CDC16: variants seen among roughly 807,000 people sequenced by gnomAD.
CDC16 encodes cell division cycle protein 16 homolog.
CDC16 carries 34 observed loss-of-function variants against 87.0 expected under a neutral mutation model. That is an observed-to-expected ratio of 0.39 (90% CI 0.30 to 0.52). The LOEUF is 0.52. Among genes scored for constraint, CDC16 ranks in the 20% least tolerant of loss-of-function variants. The pLI is 0.74. For missense variants in CDC16, 653 were observed against 751.9 expected, an observed-to-expected ratio of 0.87 and a Z score of 1.54; for synonymous variants, 263 against 260.6, an observed-to-expected ratio of 1.01 and a Z score of -0.09.
At chr13:114,253,704 AAAAAAATT>A in intron 12 of CDC16, among the ~76,000 whole-genome samples, 1 of 137,416 alleles carries the variant, frequency 7.3e-6, no homozygotes, top group East Asian at 2.0e-4. Context: ...AAAAAAAAAG[AAAAAAATT>A]ATTGAGGCTT....
intron 8 of CDC16, 54 bp downstream of exon 8, chr13:114,244,043 C>T: frequency 7.8e-7 from 1 of 1,279,148 alleles, no homozygotes. Flanking sequence ...TCCATCTTAC[C>T]TAGGTGATTC....
At chr13:114,258,813 T>C (rs1378491768) in intron 13 of CDC16, among the ~76,000 whole-genome samples, 1 of 152,152 alleles carries the variant, frequency 6.6e-6, no homozygotes, top group Non-Finnish European at 1.5e-5. Flanking sequence ...ACATAAATAC[T>C]GTGGTTGGGT....
chr13:114,264,651 G>A (rs552743751), intron 16 of CDC16, among the ~76,000 whole-genome samples: 10 of 151,942 alleles, frequency 6.6e-5, no homozygotes, highest in Non-Finnish European at 1.3e-4. Flanking sequence ...TTGCTTTGTC[G>A]CCTAGGCTAG....
chr13:114,264,794 C>T (rs1035710093), intron 16 of CDC16: 3 of 178,420 alleles, frequency 1.7e-5, no homozygotes, highest in Admixed American at 1.7e-4. Flanking sequence ...TTATTAGAGA[C>T]GGGGTTTCAC....
intron 9 of CDC16, among the ~76,000 whole-genome samples, chr13:114,245,262 TC>T (rs3215865): frequency 0.038 from 5,364 of 139,364 alleles, 139 homozygotes; most frequent in Non-Finnish European, 0.052. Flanking sequence ...CAGTTCTGCC[TC>T]CCCCCCCCTT....
At chr13:114,257,454 T>A (rs79665272) in intron 13 of CDC16, among the ~76,000 whole-genome samples, 1 of 152,242 alleles carries the variant, frequency 6.6e-6, no homozygotes, top group Admixed American at 6.5e-5. Context: ...AGCTACCACT[T>A]CTTTTCTTAC....
intron 12 of CDC16, among the ~76,000 whole-genome samples, chr13:114,251,055 A>G (rs1274355853): frequency 6.6e-6 from 1 of 152,234 alleles, no homozygotes; most frequent in East Asian, 1.9e-4. Flanking sequence ...TGTATTTGCC[A>G]GTATTCTAGA....
At chr13:114,243,488 C>G in intron 7 of CDC16, 140 bp downstream of exon 7, 1 of 423,638 alleles carries the variant, frequency 2.4e-6, no homozygotes, top group East Asian at 3.5e-5. Context: ...GTTTAAGATA[C>G]ATAAGATTCC....
In CDC16 at chr13:114,257,381, G is replaced by A. The variant is rs2082568019; in HGVS notation, c.1250+151G>A. On this transcript the variant is annotated intron_variant, in intron 13 of 17. Coordinates refer to ENST00000356221, the MANE Select transcript of CDC16 (RefSeq NM_001078645.3). ...GAGAAGGAGATAGAAAAAAAAGAGA[G>A]AAACTGTTATCTTGGATTTCCTTAA... The A allele has an allele frequency of 6.9e-6, 4 of 576,560 alleles. No homozygotes were observed. The East Asian group carries it at 1.2e-4, about 18-fold the overall frequency. 35.7% of individuals were successfully genotyped at this position (576,560 alleles called of 1,614,324 possible).
In CDC16 at chr13:114,236,881, A is replaced by G; in HGVS notation, c.186A>G (p.Ser62=). The change falls in exon 3 of 18, where the codon TCA becomes TCG. Residue 62 remains serine, a synonymous_variant. Transcript: ENST00000356221. ...ACAGAGCCGCCCATGCACTTCGGTC[A>G]CGAAAACTGGACAAAGTAAGTGATG... ...QYHRAAHALR[S]RKLDKLYEAC... 1.9e-6 allele frequency: 3 copies of G among 1,590,484 alleles called. No individual in the cohort carries two copies. Among genetic ancestry groups the G allele is most frequent in the Non-Finnish European group, 2.6e-6 (3 of 1,172,200 alleles).
intron 17 of CDC16, among the ~76,000 whole-genome samples, chr13:114,269,997 C>T (rs191598103): frequency 2.0e-5 from 3 of 152,210 alleles, no homozygotes; most frequent in Admixed American, 1.3e-4. Context: ...TGAGCCACCA[C>T]GCCCAACAAA....
Position 114,245,885 on chromosome 13 carries a change from A to G in CDC16, c.848-115A>G. The G allele has an allele frequency of 4.6e-6, 3 of 650,844 alleles. No homozygotes were observed. In the South Asian group the frequency reaches 5.4e-5, roughly 12 times the overall value. The allele number at this position is 650,844 out of a possible 1,614,324, so 40.3% of individuals were successfully genotyped here. A position where few individuals can be genotyped will look rare whatever the true frequency, so the allele number is the denominator to read the frequency against. Reference sequence around the variant, plus strand: ...TTTTTATCTAGAAGGAAAGACAAGTATGAAATCATTGCTGTAAGAGCAGAA... The same window carrying G: ...TTTTTATCTAGAAGGAAAGACAAGTGTGAAATCATTGCTGTAAGAGCAGAA... On this transcript the variant is annotated intron_variant, in intron 9 of 17. Coordinates refer to ENST00000356221, the MANE Select transcript of CDC16 (RefSeq NM_001078645.3).
chr13:114,245,848 TAG>T (rs991628105), intron 9 of CDC16, 150 bp from the exon 10 acceptor site: 1 of 594,008 alleles, frequency 1.7e-6, no homozygotes, highest in Non-Finnish European at 3.0e-6. Context: ...ACTCTCCAGT[TAG>T]AGAGTTAATT....
Position 114,272,680 on chromosome 13 carries a change from A to G in CDC16, c.*237A>G, listed in dbSNP as rs1446491165. On this transcript the variant is annotated 3_prime_UTR_variant, in exon 18 of 18. Coordinates refer to ENST00000356221, the MANE Select transcript of CDC16 (RefSeq NM_001078645.3). The stretch of plus-strand genomic sequence containing the variant: ...GAATAAAGAAGGTAAACCATCTGTT[A>G]TGTCTTTTTTTTTCTTTTCCAATAA... The G allele has an allele frequency of 5.8e-5, 22 of 381,058 alleles. No individual in the cohort carries two copies. Among genetic ancestry groups the G allele is most frequent in the Non-Finnish European group, 9.3e-5 (20 of 215,190 alleles). 23.6% of individuals were successfully genotyped at this position (381,058 alleles called of 1,614,324 possible). A position where few individuals can be genotyped will look rare whatever the true frequency, so the allele number is the denominator to read the frequency against.
At chr13:114,239,920 A>G (rs1202145934) in intron 5 of CDC16, among the ~76,000 whole-genome samples, 1 of 152,096 alleles carries the variant, frequency 6.6e-6, no homozygotes, top group Non-Finnish European at 1.5e-5. Context: ...CAGTTTGTAT[A>G]CTTCATATCT....
intron 11 of CDC16, chr13:114,247,332 C>A (rs1414245613): frequency 2.0e-5 from 4 of 199,782 alleles, no homozygotes; most frequent in East Asian, 1.2e-4. Context: ...CTGATTTAAA[C>A]ATTTTTTTTT....
Position 114,265,240 on chromosome 13 carries a change from G to C in CDC16, c.1603G>C (p.Gly535Arg), listed in dbSNP as rs1255136027. ...CATTGGTGATTCTGAAGCTTATATT[G>C]GTAAGATAATCGTTATTCTTATTGG... is the stretch of plus-strand genomic sequence containing the variant. The part of the protein sequence containing the change: ...MYIGDSEAYI[G>R]ADIKDKLKCY... The change falls in exon 17 of 18, where the codon GGA becomes CGA. Residue 535 changes from glycine to arginine, a missense_variant and splice_region_variant. Gly to Arg is a moderately radical substitution (Grantham distance 125, BLOSUM62 -2). Transcript: ENST00000356221. The C allele has an allele frequency of 6.4e-7, 1 of 1,566,344 alleles. No homozygotes were observed. The highest frequency in any genetic ancestry group is 8.8e-7 in the Non-Finnish European group (1 of 1,137,250).
chr13:114,267,497 CA>C (rs917075426), intron 17 of CDC16, among the ~76,000 whole-genome samples: 11 of 145,586 alleles, frequency 7.6e-5, no homozygotes, highest in African/African-American at 1.8e-4. Flanking sequence ...AATCTCAAAA[CA>C]AAAAAAAAAG....
rs1410119675 is a variant in CDC16 at position 114,242,292 on chromosome 13, C to G, written c.541+12C>G. 6.3e-7 allele frequency: 1 copy of G among 1,595,032 alleles called. No homozygotes were observed. The highest frequency in any genetic ancestry group is 1.4e-5 in the African/African-American group (1 of 73,560). ...GACAGCACAAGAAGGTTTGGAAACT[C>G]AGGCTTTTTTGTTTTATGTTTAGCA... On this transcript the variant is annotated intron_variant, in intron 6 of 17. Coordinates refer to ENST00000356221, the MANE Select transcript of CDC16 (RefSeq NM_001078645.3).
Sources: allele counts gnomAD v4.1 joint callset (sites outside exome capture counted in the v4.1 genomes callset), GRCh38; gene constraint gnomAD v4.1.1; transcripts MANE v1.5; gene names NCBI Gene and HGNC (gene_info 2026-07-23, HGNC 2026-07-21).